The following ADAMTS19 variants were observed in gnomAD, a reference collection of about 807,000 sequenced individuals.
The protein encoded by ADAMTS19 is A disintegrin and metalloproteinase with thrombospondin motifs 19.
Under a neutral mutation model 153.3 loss-of-function variants are expected in ADAMTS19, and 93 were observed. That is an observed-to-expected ratio of 0.61 (90% confidence interval 0.51 to 0.72). The LOEUF (loss-of-function observed/expected upper bound fraction) is 0.72. ADAMTS19 is among the 30% of genes least tolerant of loss of function. The pLI is 0.00. For missense variants in ADAMTS19, 1,482 were observed against 1,552.1 expected, an observed-to-expected ratio of 0.95 and a Z score of 0.76; for synonymous variants, 600 against 556.6, an observed-to-expected ratio of 1.08 and a Z score of -1.10.
chr5:129,676,602 T>C (rs1168355405), intron 16 of ADAMTS19, among the ~76,000 whole-genome samples: 1 of 152,220 alleles, frequency 6.6e-6, no homozygotes, highest in Non-Finnish European at 1.5e-5. Flanking sequence ...TTCTCTGTTA[T>C]TTAACCAACA....
At chr5:129,476,947 T>C (rs1750247492) in intron 2 of ADAMTS19, among the ~76,000 whole-genome samples, 1 of 152,168 alleles carries the variant, frequency 6.6e-6, no homozygotes, top group African/African-American at 2.4e-5. Context: ...TATAAAGTTC[T>C]AGTTGCAACT....
intron 16 of ADAMTS19, among the ~76,000 whole-genome samples, chr5:129,668,974 T>C (rs1309147405): frequency 6.6e-6 from 1 of 152,022 alleles, no homozygotes; most frequent in African/African-American, 2.4e-5. Context: ...ATGCAGACTT[T>C]CTGATTGCAA....
intron 6 of ADAMTS19, among the ~76,000 whole-genome samples, chr5:129,534,714 G>T (rs1332098034): frequency 6.6e-6 from 1 of 152,134 alleles, no homozygotes; most frequent in African/African-American, 2.4e-5. Context: ...ACATCAAAAA[G>T]CTTATCCACC....
intron 20 of ADAMTS19, 24 bp downstream of exon 20, chr5:129,701,616 C>T (rs1171668213): frequency 1.3e-5 from 21 of 1,610,984 alleles, no homozygotes; most frequent in Non-Finnish European, 1.7e-5. Flanking sequence ...CCCTTTCTTT[C>T]CCCATTCCTA....
chr5:129,628,434 A>G (rs1193656356), intron 10 of ADAMTS19, among the ~76,000 whole-genome samples: 1 of 151,188 alleles, frequency 6.6e-6, no homozygotes, highest in Non-Finnish European at 1.5e-5. Flanking sequence ...CAAACCTGTA[A>G]TATACCCCTG....
chr5:129,461,164 G>C lies in ADAMTS19; in HGVS notation c.154G>C (p.Glu52Gln). ...CGTGTTTCCTGCGCTCTGGCGCCGG[G>C]AGCCGGTGGACCCGGCTGGCGGCAG... ...EVVFPALWRR[E>Q]PVDPAGGSGG... Residue 52 changes from glutamate (E) to glutamine (Q), a missense_variant, in exon 2 of 23, where the codon GAG becomes CAG. This residue lies in a region of ADAMTS19 where 866 missense variants were observed against 827.7 expected (regional missense o/e 1.05). Coordinates refer to ENST00000274487, the MANE Select transcript of ADAMTS19 (RefSeq NM_133638.6). The surrounding 1 kb of genome is among the most constrained non-coding windows in gnomAD (Gnocchi z 4.6). 1 of 1,395,660 alleles carries C rather than the reference G, an allele frequency of 7.2e-7. No homozygotes were observed. Among genetic ancestry groups the C allele is most frequent in the African/African-American group, 1.5e-5 (1 of 67,376 alleles). The allele number at this position is 1,395,660 out of a possible 1,614,324, so 86.5% of individuals were successfully genotyped here.
intron 7 of ADAMTS19, among the ~76,000 whole-genome samples, chr5:129,562,956 G>A (rs76904259): frequency 0.024 from 3,617 of 152,008 alleles, 119 homozygotes; most frequent in African/African-American, 0.078. Flanking sequence ...CTGATTTTAT[G>A]TACTTGACAT....
At chr5:129,527,447 G>A (rs1752051724) in intron 4 of ADAMTS19, among the ~76,000 whole-genome samples, 1 of 150,276 alleles carries the variant, frequency 6.7e-6, no homozygotes, top group Admixed American at 6.6e-5. Flanking sequence ...TCTAAAATGC[G>A]ATATGTGGTA....
intron 14 of ADAMTS19, among the ~76,000 whole-genome samples, chr5:129,658,351 A>AAGAGAGAGAGAGAG (rs1212857566): frequency 2.0e-4 from 26 of 133,228 alleles, no homozygotes; most frequent in South Asian, 9.7e-4. Flanking sequence ...GAAAGAAAGA[A>AAGAGAGAGAGAGAG]AGAAAGAAAG....
chr5:129,526,623 G>T, intron 4 of ADAMTS19, 167 bp downstream of exon 4: 1 of 577,822 alleles, frequency 1.7e-6, no homozygotes, highest in Non-Finnish European at 2.7e-6. Context: ...CATCTCAAAA[G>T]CAATATCAAA....
At chr5:129,537,150 A>C (rs1285545814) in intron 6 of ADAMTS19, among the ~76,000 whole-genome samples, 1 of 152,178 alleles carries the variant, frequency 6.6e-6, no homozygotes, top group East Asian at 1.9e-4. Flanking sequence ...GAAGACATTT[A>C]TGCAGCCAAC....
intron 3 of ADAMTS19, among the ~76,000 whole-genome samples, chr5:129,519,592 T>C (rs1751725848): frequency 6.6e-6 from 1 of 151,602 alleles, no homozygotes; most frequent in South Asian, 2.1e-4. Flanking sequence ...AGGCTCAGAG[T>C]GCTGTAGCCT....
At chr5:129,601,496 G>A (rs1255959992) in intron 8 of ADAMTS19, among the ~76,000 whole-genome samples, 1 of 152,218 alleles carries the variant, frequency 6.6e-6, no homozygotes, top group South Asian at 2.1e-4. Flanking sequence ...GCTGTGCTTT[G>A]AGGGAAGAGG....
At chr5:129,547,653 T>C (rs1752911521) in intron 6 of ADAMTS19, among the ~76,000 whole-genome samples, 2 of 150,570 alleles carry the variant, frequency 1.3e-5, no homozygotes, top group Admixed American at 6.6e-5. Context: ...ATGACTTTCT[T>C]CACAGAATTG....
rs1222319343 is a variant in ADAMTS19 at position 129,684,113 on chromosome 5, A to C, written c.2665-7A>C. 1 of 1,612,074 alleles carries C rather than the reference A, an allele frequency of 6.2e-7. No homozygotes were observed. The highest frequency in any genetic ancestry group is 8.5e-7 in the Non-Finnish European group (1 of 1,179,226). ...CCATCTGCCTTGATCATTTTTGTAT[A>C]CTATAGGTGCTCCTGTTTCAGGATC... On this transcript the variant is annotated splice_polypyrimidine_tract_variant and splice_region_variant and intron_variant, in intron 17 of 22. Transcript: ENST00000274487.
intron 7 of ADAMTS19, among the ~76,000 whole-genome samples, chr5:129,578,606 C>T (rs540678257): frequency 7.2e-5 from 11 of 151,990 alleles, no homozygotes; most frequent in East Asian, 5.9e-4. Flanking sequence ...ACCCCCACCC[C>T]TTGAAGGCCC....
chr5:129,583,958 C>T (rs966917043), intron 7 of ADAMTS19, among the ~76,000 whole-genome samples: 6 of 151,856 alleles, frequency 4.0e-5, no homozygotes, highest in Non-Finnish European at 8.8e-5. Context: ...CCCTTGCTGG[C>T]GAGGAGTTGT....
chr5:129,508,832 C>A lies in ADAMTS19; in HGVS notation c.748-245C>A, dbSNP rs555688392. Among the ~76,000 whole-genome samples the A allele has an allele frequency of 2.0e-5, 3 of 152,004 alleles. No homozygotes were observed. The East Asian group carries it at 5.8e-4, about 29-fold the overall frequency. ...ATTTTTACTGTGCATCTGTTGCTGG[C>A]GTCTAGCCTCCCACCCACACGGATT... On this transcript the variant is annotated intron_variant, in intron 2 of 22. Transcript: ENST00000274487.
intron 13 of ADAMTS19, among the ~76,000 whole-genome samples, chr5:129,652,488 C>T (rs1309230388): frequency 1.3e-5 from 2 of 152,090 alleles, no homozygotes; most frequent in African/African-American, 4.8e-5. Context: ...GGCTGAAATC[C>T]ATGTCTATTG....
Sources: gnomAD v4.1 joint callset for allele counts (sites outside exome capture counted in the v4.1 genomes callset) on GRCh38, gnomAD v4.1.1 for gene constraint, gnomAD v4.1.1 regional missense constraint, Gnocchi (gnomAD v3.1) non-coding constraint, MANE v1.5 for transcripts, NCBI Gene and HGNC (gene_info 2026-07-23, HGNC 2026-07-21) for gene names.